Variants in COMMD10 observed in about 807,000 individuals in gnomAD.
COMMD10 encodes COMM domain containing 10, also known as COMM domain-containing protein 10.
In COMMD10, 33 loss-of-function variants were observed where a neutral mutation model predicts 28.9. The observed-to-expected ratio is 1.14, with a 90% CI of 0.87 to 1.53. COMMD10 has a LOEUF of 1.53. Among genes scored for constraint, COMMD10 ranks in the 40% most tolerant of loss-of-function variants. The pLI is 0.00. For synonymous variants in COMMD10, 110 were observed against 81.7 expected (o/e 1.35, Z -1.87); for missense variants, 310 against 233.4 (o/e 1.33, Z -2.14).
At chr5:116,149,110 GT>G (rs1211457650) in intron 5 of COMMD10, among the ~76,000 whole-genome samples, 1 of 148,532 alleles carries the variant, frequency 6.7e-6, no homozygotes, top group African/African-American at 2.5e-5. Context: ...GCGGTGTTTG[GT>G]TTTTTGTTCT....
intron 5 of COMMD10, among the ~76,000 whole-genome samples, chr5:116,172,435 A>G (rs1196526795): frequency 2.0e-5 from 3 of 152,126 alleles, no homozygotes; most frequent in Admixed American, 1.3e-4. Flanking sequence ...TAAATGTGCT[A>G]CCCTGAATTA....
intron 5 of COMMD10, among the ~76,000 whole-genome samples, chr5:116,168,617 A>G (rs1430659144): frequency 6.6e-6 from 1 of 152,118 alleles, no homozygotes; most frequent in African/African-American, 2.4e-5. Context: ...AAAAGAATGG[A>G]AATCATAACA....
At chr5:116,159,525 A>T (rs1381389898) in intron 5 of COMMD10, among the ~76,000 whole-genome samples, 1 of 152,186 alleles carries the variant, frequency 6.6e-6, no homozygotes, top group Non-Finnish European at 1.5e-5. Flanking sequence ...TGAGCAGATA[A>T]AAAGGATATT....
At chr5:116,203,816 G>C (rs1379129257) in intron 5 of COMMD10, among the ~76,000 whole-genome samples, 1 of 151,666 alleles carries the variant, frequency 6.6e-6, no homozygotes, top group Non-Finnish European at 1.5e-5. Context: ...TCGAGACTAG[G>C]AAGAAACTGC....
At chr5:116,166,787 A>G (rs1174650400) in intron 5 of COMMD10, among the ~76,000 whole-genome samples, 1 of 152,206 alleles carries the variant, frequency 6.6e-6, no homozygotes, top group Non-Finnish European at 1.5e-5. Context: ...AAACAGAGAA[A>G]GGAATAGAAT....
At chr5:116,155,304 G>A (rs1191240248) in intron 5 of COMMD10, among the ~76,000 whole-genome samples, 3 of 152,096 alleles carry the variant, frequency 2.0e-5, no homozygotes, top group Admixed American at 2.0e-4. Flanking sequence ...ATTAACTGAT[G>A]ACTTGGGTTG....
At chr5:116,174,099 AGGATAT>A (rs1379063266) in intron 5 of COMMD10, among the ~76,000 whole-genome samples, 5 of 152,122 alleles carry the variant, frequency 3.3e-5, no homozygotes, top group African/African-American at 7.2e-5. Context: ...AAAATTAAGT[AGGATAT>A]GGAGATGGAG....
At chr5:116,134,021 T>A in intron 4 of COMMD10, 47 bp from the exon 5 acceptor site, 2 of 1,090,994 alleles carry the variant, frequency 1.8e-6, no homozygotes, top group Non-Finnish European at 2.9e-6. Context: ...TTGACTGTTT[T>A]CTTCCTTCTG....
rs1750093107 is a variant in COMMD10 at position 116,086,242 on chromosome 5, C to T, written c.41+1149C>T. ...GAATCAGCTTTATGTTCCCAGCCTC[C>T]TGACCCTATTTTCCTGCCTCACTTT... On this transcript the variant is annotated intron_variant, in intron 1 of 6. Transcript: ENST00000274458. Among the ~76,000 whole-genome samples the T allele has an allele frequency of 3.9e-5, 6 of 152,236 alleles. No homozygotes were observed. In the South Asian group the frequency reaches 1.2e-3, roughly 32 times the overall value.
rs150287269 is a variant in COMMD10, at chr5:116,233,760, G to A, written c.511-57757G>A. On this transcript the variant is annotated intron_variant, in intron 5 of 6. Coordinates refer to ENST00000274458, the MANE Select transcript of COMMD10 (RefSeq NM_016144.4). ...TGGTATCTTCATGAACAAGGAGAGA[G>A]TTTTAATGAAGCACAGTAAGCAAGA... Among the ~76,000 whole-genome samples the A allele has an allele frequency of 2.0e-3, 305 of 152,230 alleles. 2 individuals carry two copies. Among genetic ancestry groups the A allele is most frequent in the African/African-American group, 7.0e-3 (290 of 41,540 alleles).
intron 5 of COMMD10, among the ~76,000 whole-genome samples, chr5:116,246,352 C>T (rs1023629123): frequency 2.0e-5 from 3 of 151,902 alleles, no homozygotes; most frequent in Admixed American, 6.6e-5. Context: ...AATGGAAAAA[C>T]ATTTCATGCT....
intron 5 of COMMD10, among the ~76,000 whole-genome samples, chr5:116,192,980 A>G (rs776506778): frequency 2.6e-5 from 4 of 152,236 alleles, no homozygotes; most frequent in African/African-American, 4.8e-5. Flanking sequence ...CAGAAACCCT[A>G]TAAGCTAGAA....
At chr5:116,175,513 C>T (rs1370331866) in intron 5 of COMMD10, among the ~76,000 whole-genome samples, 1 of 152,106 alleles carries the variant, frequency 6.6e-6, no homozygotes, top group Non-Finnish European at 1.5e-5. Context: ...TATGACCTAG[C>T]ATTGCTACTT....
chr5:116,288,375 T>C (rs1751276431), intron 5 of COMMD10, among the ~76,000 whole-genome samples: 2 of 152,024 alleles, frequency 1.3e-5, no homozygotes, highest in African/African-American at 4.8e-5. Flanking sequence ...CTCTTAAGTT[T>C]CTGTCTTTGA....
intron 5 of COMMD10, among the ~76,000 whole-genome samples, chr5:116,240,535 C>G (rs17139256): frequency 0.26 from 39,170 of 152,066 alleles, 6,654 homozygotes; most frequent in African/African-American, 0.49. Context: ...CCAAAACTAG[C>G]TAGCCTTATG....
intron 5 of COMMD10, among the ~76,000 whole-genome samples, chr5:116,285,279 T>G (rs1394277223): frequency 6.6e-6 from 1 of 152,028 alleles, no homozygotes; most frequent in Non-Finnish European, 1.5e-5. Context: ...GATAACTTCT[T>G]GATATCTTGG....
chr5:116,257,591 T>G (rs1750323060), intron 5 of COMMD10, among the ~76,000 whole-genome samples: 1 of 151,678 alleles, frequency 6.6e-6, no homozygotes, highest in Non-Finnish European at 1.5e-5. Flanking sequence ...TTTAGACCCT[T>G]AGAATTTTTC....
At chr5:116,164,002 T>TA (rs1171877765) in intron 5 of COMMD10, among the ~76,000 whole-genome samples, 1 of 152,158 alleles carries the variant, frequency 6.6e-6, no homozygotes, top group Non-Finnish European at 1.5e-5. Context: ...ATACTTTGTG[T>TA]AACTATTTTC....
intron 4 of COMMD10, among the ~76,000 whole-genome samples, chr5:116,120,994 T>A (rs1009928830): frequency 1.2e-4 from 19 of 152,332 alleles, no homozygotes; most frequent in South Asian, 1.0e-3. Context: ...TTCTTTTTTT[T>A]AATTATACTT....
Sources: gnomAD v4.1 joint callset for allele counts (sites outside exome capture counted in the v4.1 genomes callset) on GRCh38, gnomAD v4.1.1 for gene constraint, MANE v1.5 for transcripts, NCBI Gene and HGNC (gene_info 2026-07-23, HGNC 2026-07-21) for gene names.